FOXN3: variants seen among roughly 807,000 people sequenced by gnomAD.
FOXN3 encodes the protein forkhead box protein N3.
In FOXN3, 7 loss-of-function variants were observed where a neutral mutation model predicts 38.4. The ratio of observed to expected loss-of-function variants is 0.18; its 90% CI spans 0.10 to 0.34. The LOEUF (loss-of-function observed/expected upper bound fraction) is 0.34, where lower values mean the gene tolerates loss of function less well. Among genes scored for constraint, FOXN3 ranks in the 10% least tolerant of loss-of-function variants. The probability of loss-of-function intolerance (pLI) is 1.00; values close to 1 mark genes in which losing one functional copy is unlikely to be tolerated. For missense variants in FOXN3, 456 were observed against 613.4 expected (o/e 0.74, Z 2.71); for synonymous variants, 230 against 242.2 (o/e 0.95, Z 0.47).
chr14:89,432,285 G>C (rs554742955), intron 1 of FOXN3, among the ~76,000 whole-genome samples: 4 of 152,198 alleles, frequency 2.6e-5, no homozygotes, highest in Non-Finnish European at 4.4e-5. Flanking sequence ...GTCCAGTGAC[G>C]GCCCTAACAC....
chr14:89,349,578 T>C (rs1396765014), intron 3 of FOXN3: 2 of 152,638 alleles, frequency 1.3e-5, no homozygotes, highest in Non-Finnish European at 2.9e-5. Context: ...CCAGTTGCTA[T>C]GGGTACCATC....
chr14:89,276,572 G>A (rs893667566), intron 4 of FOXN3, among the ~76,000 whole-genome samples: 10 of 152,200 alleles, frequency 6.6e-5, no homozygotes, highest in Non-Finnish European at 1.3e-4. Flanking sequence ...GCTAGGACTC[G>A]TGGTCTGACC....
intron 1 of FOXN3, among the ~76,000 whole-genome samples, chr14:89,430,940 G>A (rs1038350102): frequency 3.3e-5 from 5 of 152,198 alleles, no homozygotes; most frequent in Admixed American, 2.6e-4. Flanking sequence ...TAAATCATGC[G>A]TTGCAGGCAA....
At chr14:89,618,385 T>C (rs1414785085) in intron 1 of FOXN3, among the ~76,000 whole-genome samples, 2 of 152,216 alleles carry the variant, frequency 1.3e-5, no homozygotes, top group Admixed American at 6.5e-5. Context: ...CCGGCAATCA[T>C]GGTTTTCCCC....
At chr14:89,381,879 G>A (rs2140067798) in intron 2 of FOXN3, among the ~76,000 whole-genome samples, 1 of 151,340 alleles carries the variant, frequency 6.6e-6, no homozygotes, top group South Asian at 2.1e-4. Context: ...GAAGGGGAAA[G>A]GGAGGGACGG....
At chr14:89,224,154 C>T (rs1484014515) in intron 4 of FOXN3, among the ~76,000 whole-genome samples, 2 of 151,712 alleles carry the variant, frequency 1.3e-5, no homozygotes, top group Non-Finnish European at 2.9e-5. Flanking sequence ...TACTTATGAG[C>T]TTAATTAGAC....
intron 1 of FOXN3, among the ~76,000 whole-genome samples, chr14:89,588,509 G>A (rs1895891484): frequency 6.6e-6 from 1 of 152,086 alleles, no homozygotes; most frequent in South Asian, 2.1e-4. Context: ...CCAAGATAAA[G>A]GACAATTCAG....
intron 3 of FOXN3, among the ~76,000 whole-genome samples, chr14:89,328,177 G>T (rs1888131007): frequency 6.6e-6 from 1 of 152,250 alleles, no homozygotes; most frequent in Non-Finnish European, 1.5e-5. Flanking sequence ...CTTTCTAACT[G>T]GAGGTGTACG....
chr14:89,340,783 T>C (rs1888592434), intron 3 of FOXN3, among the ~76,000 whole-genome samples: 1 of 152,024 alleles, frequency 6.6e-6, no homozygotes, highest in South Asian at 2.1e-4. Context: ...GATCATTTTA[T>C]TCACACGGAA....
At chr14:89,474,841 C>T (rs899176072) in intron 1 of FOXN3, among the ~76,000 whole-genome samples, 8 of 151,848 alleles carry the variant, frequency 5.3e-5, no homozygotes, top group Non-Finnish European at 1.2e-4. Flanking sequence ...CTTGAGATGC[C>T]GTCTTGCTCT....
intron 1 of FOXN3, among the ~76,000 whole-genome samples, chr14:89,596,803 C>T (rs942988708): frequency 6.6e-6 from 1 of 152,024 alleles, no homozygotes; most frequent in Non-Finnish European, 1.5e-5. Context: ...AATATATTGC[C>T]ATAAAGTTTT....
upstream of FOXN3, among the ~76,000 whole-genome samples, chr14:89,421,145 C>CTTTTTTTTT (rs570024684): frequency 1.0e-4 from 11 of 108,178 alleles, no homozygotes; most frequent in East Asian, 2.8e-4. Flanking sequence ...TTCTTTCTTT[C>CTTTTTTTTT]TTTTTTTTTT....
chr14:89,439,882 C>A (rs1892343843), intron 1 of FOXN3, among the ~76,000 whole-genome samples: 1 of 152,070 alleles, frequency 6.6e-6, no homozygotes, highest in Non-Finnish European at 1.5e-5. Context: ...TCTCAATCTC[C>A]TGACGTCGTG....
chr14:89,535,633 C>A (rs1245395962), intron 1 of FOXN3, among the ~76,000 whole-genome samples: 1 of 152,140 alleles, frequency 6.6e-6, no homozygotes, highest in Non-Finnish European at 1.5e-5. Context: ...GAATATTTTC[C>A]AGACTGTCTT....
At chr14:89,409,752 A>C (rs1427670796) in intron 2 of FOXN3, among the ~76,000 whole-genome samples, 1 of 152,142 alleles carries the variant, frequency 6.6e-6, no homozygotes, top group Non-Finnish European at 1.5e-5. Flanking sequence ...AATACCACAG[A>C]CCTGGTTCTT....
rs1197630812 is a variant in FOXN3 at position 89,434,221 on chromosome 14, CT to C, written c.-14-21732del. ...TACAGACGTGAGTCACTGCGCAAGC[CT>C]TTTTTTTTTTTTTTTTTTAAGATGG... On this transcript the variant is annotated intron_variant, in intron 1 of 6. Coordinates refer to the FOXN3 transcript ENST00000345097. Among the ~76,000 whole-genome samples the C allele has an allele frequency of 3.5e-3, 437 of 124,692 alleles. 1 individual carries two copies. Among genetic ancestry groups the C allele is most frequent in the Admixed American group, 5.6e-3 (67 of 12,030 alleles). 81.8% of individuals were successfully genotyped at this position (124,692 alleles called of 152,430 possible). A position where few individuals can be genotyped will look rare whatever the true frequency, so the allele number is the denominator to read the frequency against.
chr14:89,261,855 G>A (rs1885814040), intron 4 of FOXN3, among the ~76,000 whole-genome samples: 1 of 152,228 alleles, frequency 6.6e-6, no homozygotes, highest in Admixed American at 6.5e-5. Context: ...ATGAACCCAG[G>A]AGGTGGAGCT....
chr14:89,190,045 A>G (rs952892135), intron 4 of FOXN3, among the ~76,000 whole-genome samples: 2 of 152,240 alleles, frequency 1.3e-5, no homozygotes, highest in Non-Finnish European at 2.9e-5. Flanking sequence ...AGCCTCTTCT[A>G]GGAGAAACTA....
chr14:89,366,788 T>C (rs193072149), intron 2 of FOXN3, among the ~76,000 whole-genome samples: 2 of 152,308 alleles, frequency 1.3e-5, no homozygotes, highest in African/African-American at 4.8e-5. Context: ...CGAGTCAGGT[T>C]TTATGGACGG....
Sources: allele counts gnomAD v4.1 joint callset (sites outside exome capture counted in the v4.1 genomes callset), GRCh38; gene constraint gnomAD v4.1.1; transcripts MANE v1.5; gene names NCBI Gene and HGNC (gene_info 2026-07-23, HGNC 2026-07-21).